Variants in DNAJC3 observed in about 807,000 individuals in gnomAD.
DNAJC3 encodes the protein dnaJ homolog subfamily C member 3.
In DNAJC3, 38 loss-of-function variants were observed where a neutral mutation model predicts 68.6. The ratio of observed to expected loss-of-function variants is 0.55; its 90% CI spans 0.43 to 0.73. The LOEUF is 0.73. Among genes scored for constraint, DNAJC3 ranks in the 30% least tolerant of loss-of-function variants. DNAJC3 has a pLI of 0.00. For synonymous variants in DNAJC3, 203 were observed against 204.0 expected (o/e 1.00, Z 0.04); for missense variants, 526 against 591.9 (o/e 0.89, Z 1.16).
chr13:95,775,645 A>G (rs1212251261), intron 9 of DNAJC3, among the ~76,000 whole-genome samples: 5 of 152,180 alleles, frequency 3.3e-5, no homozygotes, highest in Non-Finnish European at 5.9e-5. Context: ...TATGTAGATT[A>G]TTTCCTGTAA....
chr13:95,760,936 C>A, intron 7 of DNAJC3, 138 bp downstream of exon 7: 1 of 1,236,118 alleles, frequency 8.1e-7, no homozygotes, highest in Non-Finnish European at 1.1e-6. Flanking sequence ...CTTAGCAAAA[C>A]TACCAGAATT....
In DNAJC3 at chr13:95,793,319, G is replaced by A. The variant is rs374773571; in HGVS notation, c.*2289G>A. 1 of 152,030 alleles carries A rather than the reference G, an allele frequency of 6.6e-6. No homozygotes were observed. The highest frequency in any genetic ancestry group is 2.4e-5 in the African/African-American group (1 of 41,370). The allele number at this position is 152,030 out of a possible 1,614,324, so 9.4% of individuals were successfully genotyped here. A position where few individuals can be genotyped will look rare whatever the true frequency, so the allele number is the denominator to read the frequency against. Reference sequence around the variant, plus strand: ...GCAGTTTTCTGGTGTCCACCCAAACGGAGAGACAGTCACTCCTGCTTACCC... The same window carrying A: ...GCAGTTTTCTGGTGTCCACCCAAACAGAGAGACAGTCACTCCTGCTTACCC... On this transcript the variant is annotated 3_prime_UTR_variant, in exon 12 of 12. Transcript: ENST00000602402.
chr13:95,679,236 G>A lies in DNAJC3; in HGVS notation c.82+1899G>A, dbSNP rs1311546463. Among the ~76,000 whole-genome samples the A allele has an allele frequency of 7.6e-5, 10 of 132,374 alleles. No individual in the cohort carries two copies. In the Admixed American group the frequency reaches 8.0e-4, roughly 11 times the overall value. The allele number at this position is 132,374 out of a possible 152,430, so 86.8% of individuals were successfully genotyped here. A position where few individuals can be genotyped will look rare whatever the true frequency, so the allele number is the denominator to read the frequency against. ...TTTTTTTTTTGTAATTAACAAGAAG[G>A]TTATTTCCTGGGAGGTTTAATACAG... On this transcript the variant is annotated intron_variant, in intron 1 of 11. Transcript: ENST00000602402.
At chr13:95,695,883 T>G (rs911060583) in intron 1 of DNAJC3, among the ~76,000 whole-genome samples, 1 of 152,200 alleles carries the variant, frequency 6.6e-6, no homozygotes, top group African/African-American at 2.4e-5. Flanking sequence ...TTCTCTGTAT[T>G]CTTTTTGGCA....
rs780335054 is a variant in DNAJC3, at chr13:95,785,982, TCAG to T, written c.1123_1125del (p.Gln375del). 13 of 1,611,286 alleles carry T rather than the reference TCAG, an allele frequency of 8.1e-6. No homozygotes were observed. Among genetic ancestry groups the T allele is most frequent in the African/African-American group, 1.3e-5 (1 of 74,930 alleles). ...CTGCTCAGGAACACAATGAAAATGA[TCAG>T]CAGATTCGAGAAGGTCTAGAGAAAG... On this transcript the variant is annotated inframe_deletion, in exon 10 of 12. Coordinates refer to ENST00000602402, the MANE Select transcript of DNAJC3 (RefSeq NM_006260.5).
intron 4 of DNAJC3, among the ~76,000 whole-genome samples, chr13:95,750,808 G>A (rs2139666714): frequency 6.6e-6 from 1 of 151,966 alleles, no homozygotes; most frequent in Middle Eastern, 3.4e-3. Flanking sequence ...CCCACACCTG[G>A]CCCAATTATT....
intron 1 of DNAJC3, among the ~76,000 whole-genome samples, chr13:95,697,754 A>C (rs150545610): frequency 2.3e-4 from 33 of 141,572 alleles, no homozygotes; most frequent in African/African-American, 8.3e-4. Context: ...TTTTTGTCTG[A>C]CTGGGTAATT....
chr13:95,715,766 C>G (rs189782376), intron 2 of DNAJC3, among the ~76,000 whole-genome samples: 31 of 151,970 alleles, frequency 2.0e-4, no homozygotes, highest in African/African-American at 7.0e-4. Context: ...GGATTACAGG[C>G]ATGAGCCACT....
rs141998007 is a variant in DNAJC3, at chr13:95,774,063, G to A, written c.1075+10110G>A. The stretch of plus-strand genomic sequence containing the variant: ...TTGGTCTTTTTAAGGAACCAACTTC[G>A]GGATTTGTTAATGGTTTCTATGGCT... On this transcript the variant is annotated intron_variant, in intron 9 of 11. Transcript: ENST00000602402. Among the ~76,000 whole-genome samples the A allele has an allele frequency of 9.0e-4, 137 of 152,252 alleles. 1 individual carries two copies. In the East Asian group the frequency reaches 0.022, roughly 24 times the overall value.
intron 4 of DNAJC3, among the ~76,000 whole-genome samples, chr13:95,741,489 A>G (rs1042378414): frequency 1.3e-5 from 2 of 152,176 alleles, no homozygotes; most frequent in African/African-American, 2.4e-5. Flanking sequence ...TAGGGCTTCA[A>G]GGTGGCGTAT....
At chr13:95,756,289 A>G (rs1402944677) in intron 4 of DNAJC3, among the ~76,000 whole-genome samples, 1 of 152,222 alleles carries the variant, frequency 6.6e-6, no homozygotes, top group Non-Finnish European at 1.5e-5. Flanking sequence ...TAAAACAGAC[A>G]GAGACAAGCA....
rs201742990 is a variant in DNAJC3, at chr13:95,763,669, A to T, written c.875A>T (p.Glu292Val). 6.2e-7 allele frequency: 1 copy of T among 1,613,914 alleles called. No individual in the cohort carries two copies. The change falls in exon 8 of 12, where the codon GAA (glutamate) becomes GTA (valine). Residue 292 changes from glutamate to valine, a missense_variant. Physicochemically the swap from Glu to Val is moderately radical, Grantham distance 121. Coordinates refer to ENST00000602402, the MANE Select transcript of DNAJC3 (RefSeq NM_006260.5). Reference sequence around the variant, plus strand: ...TACACAGATGCTACCAGCAAATATGAATCTGTCATGAAAACAGAGCCAAGC... The same window carrying T: ...TACACAGATGCTACCAGCAAATATGTATCTGTCATGAAAACAGAGCCAAGC... ...GRYTDATSKY[E>V]SVMKTEPSIA... is the part of the protein sequence containing the mutation.
rs36052714 is a variant in DNAJC3, at chr13:95,785,452, C to CTTTTTTTT, written c.1076-470_1076-463dup. Among the ~76,000 whole-genome samples, 116 of 77,952 alleles carry CTTTTTTTT rather than the reference C, an allele frequency of 1.5e-3. 1 individual carries two copies. The highest frequency in any genetic ancestry group is 5.9e-3 in the African/African-American group (109 of 18,506). 51.1% of individuals were successfully genotyped at this position (77,952 alleles called of 152,430 possible). A position where few individuals can be genotyped will look rare whatever the true frequency, so the allele number is the denominator to read the frequency against. On this transcript the variant is annotated intron_variant, in intron 9 of 11. Coordinates refer to ENST00000602402, the MANE Select transcript of DNAJC3 (RefSeq NM_006260.5). Reference sequence around the variant, plus strand: ...GTTTTCATTATTATGCCTTTTAAACCTTTTTTTTTTTTTTTTTTTTTTTTG... The same window carrying CTTTTTTTT: ...GTTTTCATTATTATGCCTTTTAAACCTTTTTTTTTTTTTTTTTTTTTTTTTTTTTTTTG...
chr13:95,735,172 A>T (rs1342452571), intron 4 of DNAJC3, among the ~76,000 whole-genome samples: 20 of 145,242 alleles, frequency 1.4e-4, no homozygotes, highest in African/African-American at 5.2e-4. Context: ...ATGGCTGCAT[A>T]GTATTCCATG....
At chr13:95,691,643 C>T (rs1368110044) in intron 1 of DNAJC3, among the ~76,000 whole-genome samples, 2 of 152,198 alleles carry the variant, frequency 1.3e-5, no homozygotes, top group Non-Finnish European at 2.9e-5. Context: ...CCTCACTTCC[C>T]AGACGGGGTG....
intron 4 of DNAJC3, among the ~76,000 whole-genome samples, chr13:95,740,093 T>C (rs371037558): frequency 1.3e-5 from 2 of 152,126 alleles, no homozygotes; most frequent in South Asian, 2.1e-4. Context: ...AGTGTGCCCC[T>C]GCTGGGGGGT....
intron 9 of DNAJC3, among the ~76,000 whole-genome samples, chr13:95,764,677 TATATATACACACACACAC>T (rs1566506662): frequency 3.3e-5 from 4 of 122,802 alleles, no homozygotes; most frequent in African/African-American, 1.5e-4. Flanking sequence ...TATATATATA[TATATATACACACACACAC>T]ATATATATAT....
chr13:95,715,584 C>T lies in DNAJC3; in HGVS notation c.193+6247C>T, dbSNP rs145144570. Among the ~76,000 whole-genome samples the T allele has an allele frequency of 2.2e-3, 332 of 150,920 alleles. 4 individuals are homozygous for T. The highest frequency in any genetic ancestry group is 0.01 in the Middle Eastern group (3 of 294). ...GCAACCTCTGCCTCCTGGGTTCAAG[C>T]GATTCTGCCTTGGCCTCCTGAGCAG... On this transcript the variant is annotated intron_variant, in intron 2 of 11. Coordinates refer to ENST00000602402, the MANE Select transcript of DNAJC3 (RefSeq NM_006260.5).
rs145072815 is a variant in DNAJC3 at position 95,776,073 on chromosome 13, A to T, written c.1076-9866A>T. On this transcript the variant is annotated intron_variant, in intron 9 of 11. Transcript: ENST00000602402. ...CTCCTGGCTGTGCCTGGCCTGCTGC[A>T]CATCTTTTGCCCCAGAACTCCTTTC... Among the ~76,000 whole-genome samples the T allele has an allele frequency of 1.6e-3, 248 of 151,878 alleles. 1 individual carries two copies. The highest frequency in any genetic ancestry group is 5.1e-3 in the African/African-American group (210 of 41,440).
Sources: gnomAD v4.1 joint callset for allele counts (sites outside exome capture counted in the v4.1 genomes callset) on GRCh38, gnomAD v4.1.1 for gene constraint, MANE v1.5 for transcripts, NCBI Gene and HGNC (gene_info 2026-07-23, HGNC 2026-07-21) for gene names.